COLGALT2: variants seen among roughly 807,000 people sequenced by gnomAD.
The protein encoded by COLGALT2 is procollagen galactosyltransferase 2.
In COLGALT2, 49 loss-of-function variants were observed where a neutral mutation model predicts 73.4. The observed-to-expected ratio is 0.67, with a 90% confidence interval of 0.53 to 0.85. The LOEUF (loss-of-function observed/expected upper bound fraction) is 0.85, where lower values mean the gene tolerates loss of function less well. Among genes scored for constraint, COLGALT2 ranks in the 40% least tolerant of loss-of-function variants. COLGALT2 has a pLI of 0.00. For missense variants in COLGALT2, 722 were observed against 790.2 expected, an observed-to-expected ratio of 0.91 and a Z score of 1.03; for synonymous variants, 295 against 307.6, an observed-to-expected ratio of 0.96 and a Z score of 0.43.
Position 183,937,444 on chromosome 1 carries a change from G to A in COLGALT2, c.*1317C>T, listed in dbSNP as rs1013144992. The A allele has an allele frequency of 1.0e-6, 1 of 986,130 alleles. No homozygotes were observed. The highest frequency in any genetic ancestry group is 1.7e-5 in the African/African-American group (1 of 57,278). The allele number at this position is 986,130 out of a possible 1,614,324, so 61.1% of individuals were successfully genotyped here. A position where few individuals can be genotyped will look rare whatever the true frequency, so the allele number is the denominator to read the frequency against. On this transcript the variant is annotated 3_prime_UTR_variant, in exon 12 of 12. Coordinates refer to ENST00000361927, the MANE Select transcript of COLGALT2 (RefSeq NM_015101.4). ...AATCAATCTGTGAAGAAAGCAGAAA[G>A]GACTCTTAGGGGATATCTTTTGAGA...
chr1:183,986,040 CCT>C, intron 1 of COLGALT2, among the ~76,000 whole-genome samples: 1 of 152,346 alleles, frequency 6.6e-6, no homozygotes, highest in East Asian at 1.9e-4. Flanking sequence ...AGTCCCGCCA[CCT>C]CTGTGTCCAG....
intron 1 of COLGALT2, among the ~76,000 whole-genome samples, chr1:183,995,026 G>A (rs546519659): frequency 6.6e-6 from 1 of 152,082 alleles, no homozygotes; most frequent in South Asian, 2.1e-4. Flanking sequence ...ATCTCTATAA[G>A]CCTTAGTTTC....
At chr1:183,930,128 C>G (rs2102779171) in exon 12 of COLGALT2, 1 of 448,594 alleles carries the variant, frequency 2.2e-6, no homozygotes, top group East Asian at 7.0e-5. Context: ...GATGTGAGTA[C>G]AGGGGAGGTG....
At chr1:183,930,993 A>G (rs1669833781), downstream of COLGALT2, among the ~76,000 whole-genome samples, 1 of 152,220 alleles carries the variant, frequency 6.6e-6, no homozygotes, top group Non-Finnish European at 1.5e-5. Context: ...TTGTGGAAGC[A>G]AGTTTCTTAC....
At chr1:184,027,084 T>C (rs1339678690) in intron 1 of COLGALT2, among the ~76,000 whole-genome samples, 2 of 152,178 alleles carry the variant, frequency 1.3e-5, no homozygotes, top group African/African-American at 2.4e-5. Flanking sequence ...AGATGGAACA[T>C]ATGTGCTTGA....
Position 183,997,373 on chromosome 1 carries a change from C to T in COLGALT2, c.264-18853G>A, listed in dbSNP as rs555662071. Among the ~76,000 whole-genome samples the T allele has an allele frequency of 2.9e-3, 438 of 152,180 alleles. 2 individuals carry two copies. The highest frequency in any genetic ancestry group is 9.3e-3 in the African/African-American group (388 of 41,546). On this transcript the variant is annotated intron_variant, in intron 1 of 11. Transcript: ENST00000361927. ...TTAAGAAGTAGATTTCTTTGAAGTC[C>T]GCTTTGTGCCTTCCCTAGTTACTCC...
chr1:183,933,860 C>A (rs1318985168), downstream of COLGALT2, among the ~76,000 whole-genome samples: 1 of 152,180 alleles, frequency 6.6e-6, no homozygotes, highest in East Asian at 1.9e-4. Flanking sequence ...GGCATAAAAA[C>A]AAACTCCATA....
At chr1:184,013,213 G>A (rs1244286077) in intron 1 of COLGALT2, among the ~76,000 whole-genome samples, 1 of 152,178 alleles carries the variant, frequency 6.6e-6, no homozygotes. Context: ...TACTCAGGAG[G>A]CTGACGCAGG....
chr1:183,990,015 C>A (rs1001705105), intron 1 of COLGALT2, among the ~76,000 whole-genome samples: 1 of 152,154 alleles, frequency 6.6e-6, no homozygotes, highest in East Asian at 1.9e-4. Flanking sequence ...CAAAAAAGTT[C>A]AACACATTCA....
intron 1 of COLGALT2, among the ~76,000 whole-genome samples, chr1:183,981,800 GA>G (rs1420990666): frequency 1.3e-5 from 2 of 152,094 alleles, no homozygotes; most frequent in African/African-American, 4.8e-5. Context: ...TTAAGAGAGG[GA>G]ATGTTCAGGA....
At chr1:183,976,122 ACACTGACCTTG>A (rs1671182999) in intron 2 of COLGALT2, among the ~76,000 whole-genome samples, 1 of 152,104 alleles carries the variant, frequency 6.6e-6, no homozygotes, top group Non-Finnish European at 1.5e-5. Flanking sequence ...ATATTTTTTC[ACACTGACCTTG>A]GCATATAATA....
rs995353225 is a variant in COLGALT2, at chr1:184,037,349, C to T, written c.9G>A (p.Ala3=). ...ACCAGGCGAGGGTGGCAGCAGGGCG[C>T]GCAGCCATGTTCCGGGCCGAGGCGG... is the stretch of plus-strand genomic sequence containing the variant. MA[A]RPAATLAWSL... The change falls in exon 1 of 12, where the codon GCG becomes GCA. Residue 3 remains alanine (A), a synonymous_variant. Transcript: ENST00000361927. 5 of 1,482,010 alleles carry T rather than the reference C, an allele frequency of 3.4e-6. No homozygotes were observed. Among genetic ancestry groups the T allele is most frequent in the Non-Finnish European group, 2.7e-6 (3 of 1,115,658 alleles). The allele number at this position is 1,482,010 out of a possible 1,614,324, so 91.8% of individuals were successfully genotyped here.
chr1:183,960,516 T>C (rs965877366), intron 6 of COLGALT2, among the ~76,000 whole-genome samples: 2 of 152,230 alleles, frequency 1.3e-5, no homozygotes, highest in Admixed American at 6.5e-5. Flanking sequence ...TTAACATCTG[T>C]CTGTTTCTCC....
chr1:184,003,197 C>T lies in COLGALT2; in HGVS notation c.264-24677G>A, dbSNP rs895250644. 2.6e-5 allele frequency among the ~76,000 whole-genome samples: 4 copies of T among 152,278 alleles called. No homozygotes were observed. The South Asian group carries it at 6.2e-4, about 24-fold the overall frequency. On this transcript the variant is annotated intron_variant, in intron 1 of 11. Transcript: ENST00000361927. ...ATCTCATGATGTGACTTTGACATTCCTCCTATCAAAAGATAGGGATTAGGT... is the reference window on the plus strand; with the variant it reads ...ATCTCATGATGTGACTTTGACATTCTTCCTATCAAAAGATAGGGATTAGGT...
intron 1 of COLGALT2, among the ~76,000 whole-genome samples, chr1:184,000,332 TTGAGA>T (rs762200593): frequency 1.3e-5 from 2 of 152,124 alleles, no homozygotes; most frequent in South Asian, 2.1e-4. Flanking sequence ...GATTGATTGA[TTGAGA>T]TGTTTTCCTC....
At chr1:183,994,023 A>ATTTTTTTT (rs1671701673) in intron 1 of COLGALT2, among the ~76,000 whole-genome samples, 1 of 116,296 alleles carries the variant, frequency 8.6e-6, no homozygotes, top group African/African-American at 3.6e-5. Context: ...TTCTCTTGTA[A>ATTTTTTTT]TTCTTTTTTT....
intron 6 of COLGALT2, among the ~76,000 whole-genome samples, chr1:183,962,665 G>A (rs1670746113): frequency 1.3e-5 from 2 of 152,070 alleles, no homozygotes; most frequent in Non-Finnish European, 2.9e-5. Context: ...CACTGTTACT[G>A]CTCTAGCTCA....
At chr1:184,018,029 A>G (rs1171424088) in intron 1 of COLGALT2, among the ~76,000 whole-genome samples, 2 of 152,232 alleles carry the variant, frequency 1.3e-5, no homozygotes, top group Non-Finnish European at 2.9e-5. Context: ...AGGATACTAC[A>G]TAACAAATTG....
chr1:183,977,812 A>AAGAGAGAGAGAG (rs59481089), intron 2 of COLGALT2, among the ~76,000 whole-genome samples: 116 of 52,430 alleles, frequency 2.2e-3, no homozygotes, highest in East Asian at 0.014. Context: ...GAAAGAGAGA[A>AAGAGAGAGAGAG]AGAGAGAGAG....
Sources: gnomAD v4.1 joint callset for allele counts (sites outside exome capture counted in the v4.1 genomes callset) on GRCh38, gnomAD v4.1.1 for gene constraint, MANE v1.5 for transcripts, NCBI Gene and HGNC (gene_info 2026-07-23, HGNC 2026-07-21) for gene names.